PTRH2: variants seen among roughly 807,000 people sequenced by gnomAD.
PTRH2 encodes the protein peptidyl-tRNA hydrolase 2, also known as peptidyl-tRNA hydrolase 2, mitochondrial.
In PTRH2, 10 loss-of-function variants were observed where a neutral mutation model predicts 12.3. The ratio of observed to expected loss-of-function variants is 0.81; its 90% confidence interval spans 0.50 to 1.38. PTRH2 has a LOEUF of 1.38. Among genes scored for constraint, PTRH2 ranks in the 40% most tolerant of loss-of-function variants. PTRH2 has a pLI of 0.00. For synonymous variants in PTRH2, 73 were observed against 77.4 expected (o/e 0.94, Z 0.30); for missense variants, 176 against 214.1 (o/e 0.82, Z 1.11).
At chr17:59,699,202 C>A (rs984522862) in intron 1 of PTRH2, 2 of 284,548 alleles carry the variant, frequency 7.0e-6, no homozygotes, top group East Asian at 7.7e-5. Context: ...TTTCTTCTAA[C>A]GTGTAGGCCA....
intron 1 of PTRH2, among the ~76,000 whole-genome samples, chr17:59,702,848 A>C: frequency 6.6e-6 from 1 of 152,218 alleles, no homozygotes; most frequent in East Asian, 1.9e-4. Context: ...TTTCACCTTC[A>C]GTACAGTATT....
At position 59,707,181 on chromosome 17, in the gene PTRH2, TC is replaced by T. The variant is rs1156600520; in HGVS notation, c.-1+189del. 7.2e-5 allele frequency: 11 copies of T among 152,282 alleles called. No homozygotes were observed. In the East Asian group the frequency reaches 1.9e-3, roughly 27 times the overall value. The allele number at this position is 152,282 out of a possible 1,614,324, so 9.4% of individuals were successfully genotyped here. A position where few individuals can be genotyped will look rare whatever the true frequency, so the allele number is the denominator to read the frequency against. On this transcript the variant is annotated intron_variant, in intron 1 of 1. Transcript: ENST00000393038. ...AGTCTTCCCCTCCCCAGCAGCCTGTTCCTTTCCTCCAAAGGACGGTTCGCAG... is the reference window on the plus strand; with the variant it reads ...AGTCTTCCCCTCCCCAGCAGCCTGTTCTTTCCTCCAAAGGACGGTTCGCAG...
rs2033457558 is a variant in PTRH2, at chr17:59,697,429, C to T, written c.*10G>A. ...TGTGATGGAGGGGTTGTTGTCATAT[C>T]AAAGTCCACCTAGTAAAGTTTTAGG... On this transcript the variant is annotated 3_prime_UTR_variant, in exon 2 of 2. Coordinates refer to ENST00000393038, the MANE Select transcript of PTRH2 (RefSeq NM_016077.5). 1 of 1,596,594 alleles carries T rather than the reference C, an allele frequency of 6.3e-7. No homozygotes were observed.
rs1025620244 is a variant in PTRH2, at chr17:59,698,928, T to C, written c.1-950A>G. On this transcript the variant is annotated intron_variant, in intron 1 of 1. Coordinates refer to ENST00000393038, the MANE Select transcript of PTRH2 (RefSeq NM_016077.5). ...CTGAAAAATGTTTGAAGCACTGAAATAGAATTAATTGCTGGATGATGGGGA... is the reference window on the plus strand; with the variant it reads ...CTGAAAAATGTTTGAAGCACTGAAACAGAATTAATTGCTGGATGATGGGGA... 4.6e-5 allele frequency: 33 copies of C among 713,798 alleles called. No homozygotes were observed. In the African/African-American group the frequency reaches 5.3e-4, roughly 11 times the overall value. 44.2% of individuals were successfully genotyped at this position (713,798 alleles called of 1,614,324 possible).
In PTRH2 at chr17:59,697,413, G is replaced by T; in HGVS notation, c.*26C>A. ...ACAGGCTTCAAACACTTGTGATGGA[G>T]GGGTTGTTGTCATATCAAAGTCCAC... On this transcript the variant is annotated 3_prime_UTR_variant, in exon 2 of 2. Transcript: ENST00000393038. The T allele has an allele frequency of 6.3e-7, 1 of 1,575,466 alleles. No individual in the cohort carries two copies. The highest frequency in any genetic ancestry group is 1.2e-5 in the South Asian group (1 of 86,410).
chr17:59,700,340 C>G (rs943765173), intron 1 of PTRH2: 2 of 152,182 alleles, frequency 1.3e-5, no homozygotes, highest in African/African-American at 2.4e-5. Flanking sequence ...ATGTGGCAAG[C>G]AACTATCAGT....
intron 1 of PTRH2, among the ~76,000 whole-genome samples, chr17:59,702,785 G>T (rs1472556259): frequency 6.6e-6 from 1 of 152,144 alleles, no homozygotes; most frequent in Non-Finnish European, 1.5e-5. Context: ...CTTTACAATG[G>T]TTCAAAAGCA....
chr17:59,704,943 A>G (rs997388345), intron 1 of PTRH2, among the ~76,000 whole-genome samples: 2 of 152,006 alleles, frequency 1.3e-5, no homozygotes, highest in Admixed American at 6.5e-5. Flanking sequence ...ACCCGCCACC[A>G]CACCTGGCTA....
At position 59,697,538 on chromosome 17, in the gene PTRH2, T is replaced by C. The variant is rs2033460897; in HGVS notation, c.441A>G (p.Gly147=). 1 of 1,614,086 alleles carries C rather than the reference T, an allele frequency of 6.2e-7. No individual in the cohort carries two copies. The highest frequency in any genetic ancestry group is 1.3e-5 in the African/African-American group (1 of 74,926). The change falls in exon 2 of 2, where the codon GGA becomes GGG. Residue 147 remains glycine, a synonymous_variant. Transcript: ENST00000393038. ...GAGAGCCTGGTGCAATCTGAGTACG[T>C]CCAGCATCTTGAATTAAACTTACAG... is the stretch of plus-strand genomic sequence containing the variant. The part of the protein sequence containing the change: ...GLTVSLIQDA[G]RTQIAPGSQT...
chr17:59,698,763 A>C, intron 1 of PTRH2: 1 of 660,748 alleles, frequency 1.5e-6, no homozygotes, highest in Non-Finnish European at 2.7e-6. Context: ...ATTAGCCTAC[A>C]GTTGGACAAA....
intron 1 of PTRH2, chr17:59,700,661 C>T (rs1421440629): frequency 6.6e-6 from 1 of 151,902 alleles, no homozygotes; most frequent in Non-Finnish European, 1.5e-5. Context: ...TAAGGCGACA[C>T]AGAGGAAAGC....
chr17:59,707,322 G>A (rs575968324), intron 1 of PTRH2, 49 bp downstream of exon 1: 46 of 152,786 alleles, frequency 3.0e-4, no homozygotes, highest in African/African-American at 1.1e-3. Context: ...GCGAGAAAAT[G>A]AATAATGATA....
In PTRH2 at chr17:59,697,587, G is replaced by A; in HGVS notation, c.392C>T (p.Ala131Val). Residue 131 changes from alanine (A) to valine (V), a missense_variant, in exon 2 of 2, where the codon GCC becomes GTC. Coordinates refer to ENST00000393038, the MANE Select transcript of PTRH2 (RefSeq NM_016077.5). ...AGTCAGTCCCAGCATTTTTGCATGG[G>A]CCAATAATGCAATCAGGGTTTCTTC... ...PDEETLIALLAHAKMLGLTVS... is the reference protein window; with the variant it reads ...PDEETLIALLVHAKMLGLTVS... 6.2e-7 allele frequency: 1 copy of A among 1,614,124 alleles called. No homozygotes were observed. Among genetic ancestry groups the A allele is most frequent in the Non-Finnish European group, 8.5e-7 (1 of 1,180,012 alleles).
At chr17:59,700,878 G>A (rs1332490608) in intron 1 of PTRH2, 3 of 152,178 alleles carry the variant, frequency 2.0e-5, no homozygotes, top group Admixed American at 1.3e-4. Context: ...TCCCCCTGAG[G>A]GAAGGAGCTC....
At position 59,697,720 on chromosome 17, in the gene PTRH2, A is replaced by G. The variant is rs1370892100; in HGVS notation, c.259T>C (p.Ser87Pro). 11 of 1,614,058 alleles carry G rather than the reference A, an allele frequency of 6.8e-6. No homozygotes were observed. Among genetic ancestry groups the G allele is most frequent in the Non-Finnish European group, 9.3e-6 (11 of 1,180,046 alleles). The change falls in exon 2 of 2, where the codon TCT (serine) becomes CCT (proline). Residue 87 changes from serine to proline, a missense_variant. Transcript: ENST00000393038. ...MGKGKVAAQC[S>P]HAAVSAYKQI... is the part of the protein sequence containing the mutation. The stretch of plus-strand genomic sequence containing the variant: ...TTGTAGGCTGAAACAGCAGCATGAG[A>G]GCACTGGGCAGCCACTTTCCCTTTT...
At chr17:59,703,286 T>G (rs969908521) in intron 1 of PTRH2, among the ~76,000 whole-genome samples, 3 of 151,092 alleles carry the variant, frequency 2.0e-5, no homozygotes, top group African/African-American at 7.3e-5. Context: ...CAGCCTCCCA[T>G]GTAGCTACAT....
At chr17:59,699,019 G>T in intron 1 of PTRH2, 1 of 630,710 alleles carries the variant, frequency 1.6e-6, no homozygotes. Flanking sequence ...GAAGGCATTG[G>T]GACATCAACA....
At chr17:59,702,417 C>T (rs1403634251) in intron 1 of PTRH2, among the ~76,000 whole-genome samples, 1 of 152,178 alleles carries the variant, frequency 6.6e-6, no homozygotes, top group Non-Finnish European at 1.5e-5. Flanking sequence ...GAATCTAATG[C>T]TGTCGCTAAT....
intron 1 of PTRH2, among the ~76,000 whole-genome samples, chr17:59,701,981 G>C (rs969556758): frequency 1.3e-5 from 2 of 151,874 alleles, no homozygotes; most frequent in Non-Finnish European, 2.9e-5. Flanking sequence ...TGGGATTACA[G>C]GTGTGAGCCA....
Sources: allele counts gnomAD v4.1 joint callset (sites outside exome capture counted in the v4.1 genomes callset), GRCh38; gene constraint gnomAD v4.1.1; transcripts MANE v1.5; gene names NCBI Gene and HGNC (gene_info 2026-07-23, HGNC 2026-07-21).